SYPL1: variants seen among roughly 807,000 people sequenced by gnomAD.
SYPL1 encodes synaptophysin-like protein 1.
SYPL1 carries 6 observed loss-of-function variants against 23.7 expected under a neutral mutation model. That is an observed-to-expected ratio of 0.25 (90% CI 0.14 to 0.50). The LOEUF is 0.50. SYPL1 is among the 20% of genes least tolerant of loss of function. The probability of loss-of-function intolerance (pLI) is 0.98; values close to 1 mark genes in which losing one functional copy is unlikely to be tolerated. For missense variants in SYPL1, 253 were observed against 288.9 expected, an observed-to-expected ratio of 0.88 and a Z score of 0.90; for synonymous variants, 102 against 104.5, an observed-to-expected ratio of 0.98 and a Z score of 0.15.
In SYPL1 at chr7:106,096,898, C is replaced by T. The variant is rs1453707603; in HGVS notation, c.402+792G>A. ...GCAATGTGTAAATGATTGTGTATGG[C>T]TGAGTTCCAAAAAAAACCTTTATTT... On this transcript the variant is annotated intron_variant, in intron 3 of 4. Coordinates refer to ENST00000455385, the MANE Select transcript of SYPL1 (RefSeq NM_182715.4). The surrounding 1 kb of genome is among the most constrained non-coding windows in gnomAD (Gnocchi z 4.4). 1.3e-5 allele frequency among the ~76,000 whole-genome samples: 2 copies of T among 152,100 alleles called. No individual in the cohort carries two copies. The highest frequency in any genetic ancestry group is 6.6e-5 in the Admixed American group (1 of 15,256).
At position 106,099,205 on chromosome 7, in the gene SYPL1, T is replaced by C. The variant is rs560055024; in HGVS notation, c.147A>G (p.Ala49=). 1.2e-6 allele frequency: 2 copies of C among 1,613,974 alleles called. No homozygotes were observed. The highest frequency in any genetic ancestry group is 2.2e-5 in the South Asian group (2 of 91,056). Reference sequence around the variant, plus strand: ...CTGTAACAGTTTTATTCTCAGTAACTGCAGGAGGACAATTCACTTGAATTT... The same window carrying C: ...CTGTAACAGTTTTATTCTCAGTAACCGCAGGAGGACAATTCACTTGAATTT... ...QTEIQVNCPP[A]VTENKTVTAT... Residue 49 remains alanine (A), a synonymous_variant, in exon 2 of 5, where the codon GCA becomes GCG. Coordinates refer to ENST00000455385, the MANE Select transcript of SYPL1 (RefSeq NM_182715.4).
At chr7:106,092,812 A>G in intron 4 of SYPL1, 137 bp downstream of exon 4, 1 of 740,358 alleles carries the variant, frequency 1.4e-6, no homozygotes, top group Middle Eastern at 2.5e-4. Context: ...ACTAAACACT[A>G]TATTGTTACT....
rs1413593105 is a variant in SYPL1 at position 106,097,175 on chromosome 7, C to G, written c.402+515G>C. On this transcript the variant is annotated intron_variant, in intron 3 of 4. Coordinates refer to ENST00000455385, the MANE Select transcript of SYPL1 (RefSeq NM_182715.4). The surrounding 1 kb of genome is among the most constrained non-coding windows in gnomAD (Gnocchi z 4.6). ...CCAAGATGGTGCTACTGCCCTCCTG[C>G]CTGGGCGACAAAGCGAGACCTTGTC... Among the ~76,000 whole-genome samples, 2 of 152,080 alleles carry G rather than the reference C, an allele frequency of 1.3e-5. No homozygotes were observed. Among genetic ancestry groups the G allele is most frequent in the African/African-American group, 4.8e-5 (2 of 41,388 alleles).
chr7:106,102,256 C>T (rs568243472), intron 1 of SYPL1, among the ~76,000 whole-genome samples: 3 of 152,064 alleles, frequency 2.0e-5, no homozygotes, highest in Admixed American at 6.5e-5. Flanking sequence ...CCACCATGCC[C>T]GGCTAATTTT....
intron 1 of SYPL1, among the ~76,000 whole-genome samples, chr7:106,105,122 A>T (rs764928091): frequency 2.0e-5 from 3 of 152,110 alleles, no homozygotes; most frequent in Non-Finnish European, 2.9e-5. Flanking sequence ...CCGCTTCTCC[A>T]TTGTCTTAAC....
chr7:106,109,245 C>CT lies in SYPL1; in HGVS notation c.69+2894dup, dbSNP rs962978787. 2.6e-5 allele frequency among the ~76,000 whole-genome samples: 4 copies of CT among 151,924 alleles called. No homozygotes were observed. Among genetic ancestry groups the CT allele is most frequent in the African/African-American group, 9.7e-5 (4 of 41,372 alleles). On this transcript the variant is annotated intron_variant, in intron 1 of 4. Coordinates refer to ENST00000455385, the MANE Select transcript of SYPL1 (RefSeq NM_182715.4). The surrounding 1 kb of genome is among the most constrained non-coding windows in gnomAD (Gnocchi z 4.3). ...ACTGAGTTGTAAGCTGAACTAGTGGCTTTTTTTTGTAACCACCAAATTTCT... is the reference window on the plus strand; with the variant it reads ...ACTGAGTTGTAAGCTGAACTAGTGGCTTTTTTTTTGTAACCACCAAATTTCT...
chr7:106,093,362 G>T (rs968407122), intron 3 of SYPL1: 9 of 423,994 alleles, frequency 2.1e-5, no homozygotes, highest in African/African-American at 1.8e-4. Flanking sequence ...CATCCCCTCA[G>T]AAGTCTAAGA....
Position 106,093,062 on chromosome 7 carries a change from T to TTTTA in SYPL1, c.477_478insTAAA (p.Ile160Ter). ...ATATTGTGACCAGTAGCTATTTTAA[T>TTTTA]ATCTGTCAGAGCTTTAGCCCAGGCT... On this transcript the variant is annotated stop_gained and frameshift_variant, in exon 4 of 5. Transcript: ENST00000455385. LOFTEE classifies it high-confidence loss of function. 9 of 1,613,912 alleles carry TTTTA rather than the reference T, an allele frequency of 5.6e-6. No homozygotes were observed. Among genetic ancestry groups the TTTTA allele is most frequent in the Non-Finnish European group, 7.6e-6 (9 of 1,179,884 alleles).
At position 106,105,270 on chromosome 7, in the gene SYPL1, G is replaced by A. The variant is rs550492395; in HGVS notation, c.70-5988C>T. Among the ~76,000 whole-genome samples, 25 of 152,064 alleles carry A rather than the reference G, an allele frequency of 1.6e-4. 1 individual carries two copies. Among genetic ancestry groups the A allele is most frequent in the African/African-American group, 5.5e-4 (23 of 41,484 alleles). On this transcript the variant is annotated intron_variant, in intron 1 of 4. Transcript: ENST00000455385. ...TCAGTTTCCAACCCTAGTCTAAAATGAAGGAGTACTGGTGTTCTGATTTAT... is the reference window on the plus strand; with the variant it reads ...TCAGTTTCCAACCCTAGTCTAAAATAAAGGAGTACTGGTGTTCTGATTTAT...
At position 106,099,254 on chromosome 7, in the gene SYPL1, C is replaced by T. The variant is rs141399410; in HGVS notation, c.98G>A (p.Cys33Tyr). The T allele has an allele frequency of 5.9e-4, 953 of 1,612,830 alleles. 1 individual carries two copies. The highest frequency in any genetic ancestry group is 8.3e-4 in the Middle Eastern group (5 of 6,056). Residue 33 changes from cysteine to tyrosine, a missense_variant, in exon 2 of 5, where the codon TGT becomes TAT. Coordinates refer to ENST00000455385, the MANE Select transcript of SYPL1 (RefSeq NM_182715.4). ...WIASIFAFAT[C>Y]GGFKGQTEIQ... ...TTCTGTTTGGCCCTTAAAACCTCCA[C>T]AGGTGGCAAAAGCAAAGATAGAAGC...
rs534604580 is a variant in SYPL1, at chr7:106,110,183, A to T, written c.69+1957T>A. ...CAGCCGACCTCTGAAATCTTTTCAG[A>T]ACAATCTCAAACCGTACCCTCCAAC... On this transcript the variant is annotated intron_variant, in intron 1 of 4. Coordinates refer to ENST00000455385, the MANE Select transcript of SYPL1 (RefSeq NM_182715.4). Among the ~76,000 whole-genome samples, 17 of 152,308 alleles carry T rather than the reference A, an allele frequency of 1.1e-4. No homozygotes were observed. In the South Asian group the frequency reaches 3.3e-3, roughly 30 times the overall value.
rs534282160 is a variant in SYPL1, at chr7:106,091,115, A to G, written c.*690T>C. 21 of 152,350 alleles carry G rather than the reference A, an allele frequency of 1.4e-4. No individual in the cohort carries two copies. The highest frequency in any genetic ancestry group is 4.8e-4 in the African/African-American group (20 of 41,588). 9.4% of individuals were successfully genotyped at this position (152,350 alleles called of 1,614,324 possible). A position where few individuals can be genotyped will look rare whatever the true frequency, so the allele number is the denominator to read the frequency against. On this transcript the variant is annotated 3_prime_UTR_variant, in exon 5 of 5. Coordinates refer to ENST00000455385, the MANE Select transcript of SYPL1 (RefSeq NM_182715.4). The surrounding 1 kb of genome is among the most constrained non-coding windows in gnomAD (Gnocchi z 5.0). Reference sequence around the variant, plus strand: ...TTGAGCCACGTTCTACTTACATAGCAAGCCTATTAAACCACTAGCATAACA... The same window carrying G: ...TTGAGCCACGTTCTACTTACATAGCGAGCCTATTAAACCACTAGCATAACA...
rs888431992 is a variant in SYPL1, at chr7:106,097,005, A to G, written c.402+685T>C. 7.5e-6 allele frequency among the ~76,000 whole-genome samples: 1 copy of G among 132,510 alleles called. No individual in the cohort carries two copies. The highest frequency in any genetic ancestry group is 4.4e-5 in the African/African-American group (1 of 22,944). 86.9% of individuals were successfully genotyped at this position (132,510 alleles called of 152,430 possible). ...CAAGGCAGGCAGATCACTTGAGCCCAGGAGTTTGAGACCAGCCTGGGCAAC... is the reference window on the plus strand; with the variant it reads ...CAAGGCAGGCAGATCACTTGAGCCCGGGAGTTTGAGACCAGCCTGGGCAAC... On this transcript the variant is annotated intron_variant, in intron 3 of 4. Coordinates refer to ENST00000455385, the MANE Select transcript of SYPL1 (RefSeq NM_182715.4). This position sits in a 1 kb window ranked among gnomAD's most constrained non-coding sequence, Gnocchi z 4.6.
chr7:106,108,152 C>T (rs899326444), intron 1 of SYPL1, among the ~76,000 whole-genome samples: 1 of 152,170 alleles, frequency 6.6e-6, no homozygotes, highest in Non-Finnish European at 1.5e-5. Context: ...CGAGACCACA[C>T]TACTGCACTC....
rs1186444172 is a variant in SYPL1 at position 106,091,376 on chromosome 7, C to T, written c.*429G>A. ...CCTACATATTTATGTAATCAAGGCT[C>T]TTTAAGCAAAGACAGGTGGTAGGTA... On this transcript the variant is annotated 3_prime_UTR_variant, in exon 5 of 5. Transcript: ENST00000455385. The surrounding 1 kb of genome is among the most constrained non-coding windows in gnomAD (Gnocchi z 5.0). 1 of 153,266 alleles carries T rather than the reference C, an allele frequency of 6.5e-6. No homozygotes were observed. The allele number at this position is 153,266 out of a possible 1,614,324, so 9.5% of individuals were successfully genotyped here.
rs1264039700 is a variant in SYPL1, at chr7:106,109,470, T to C, written c.69+2670A>G. On this transcript the variant is annotated intron_variant, in intron 1 of 4. Coordinates refer to ENST00000455385, the MANE Select transcript of SYPL1 (RefSeq NM_182715.4). The surrounding 1 kb of genome is among the most constrained non-coding windows in gnomAD (Gnocchi z 4.3). ...GGGTACTCTTTTCTTGAAATTCTAA[T>C]AGTGATGCCAAGGCATTATTTCCCT... Among the ~76,000 whole-genome samples the C allele has an allele frequency of 6.6e-6, 1 of 152,244 alleles. No homozygotes were observed. The highest frequency in any genetic ancestry group is 1.5e-5 in the Non-Finnish European group (1 of 68,046).
chr7:106,092,875 C>A, intron 4 of SYPL1, 74 bp downstream of exon 4: 1 of 1,234,048 alleles, frequency 8.1e-7, no homozygotes, highest in South Asian at 1.7e-5. Flanking sequence ...TTACTGAAAG[C>A]TATTGCTTTC....
rs1200556860 is a variant in SYPL1, at chr7:106,095,690, A to G, written c.402+2000T>C. Among the ~76,000 whole-genome samples, 1 of 152,190 alleles carries G rather than the reference A, an allele frequency of 6.6e-6. No individual in the cohort carries two copies. The highest frequency in any genetic ancestry group is 1.9e-4 in the East Asian group (1 of 5,206). ...CTTTTAATATTTTTATGGTTACATTAAAAATAGAACTGAAAATTAAATTTA... is the reference window on the plus strand; with the variant it reads ...CTTTTAATATTTTTATGGTTACATTGAAAATAGAACTGAAAATTAAATTTA... On this transcript the variant is annotated intron_variant, in intron 3 of 4. Coordinates refer to ENST00000455385, the MANE Select transcript of SYPL1 (RefSeq NM_182715.4). The surrounding 1 kb of genome is among the most constrained non-coding windows in gnomAD (Gnocchi z 4.3).
Position 106,091,981 on chromosome 7 carries a change from T to G in SYPL1, c.592-42A>C. 6.4e-7 allele frequency: 1 copy of G among 1,562,378 alleles called. No individual in the cohort carries two copies. The highest frequency in any genetic ancestry group is 8.6e-7 in the Non-Finnish European group (1 of 1,156,774). On this transcript the variant is annotated intron_variant, in intron 4 of 4. Coordinates refer to ENST00000455385, the MANE Select transcript of SYPL1 (RefSeq NM_182715.4). This position sits in a 1 kb window ranked among gnomAD's most constrained non-coding sequence, Gnocchi z 5.0. ...GAAATATGAAAATCAAATACCTACTTATAAAAATTCATGCCCTACTTAAAA... is the reference window on the plus strand; with the variant it reads ...GAAATATGAAAATCAAATACCTACTGATAAAAATTCATGCCCTACTTAAAA...
Sources: allele counts gnomAD v4.1 joint callset (sites outside exome capture counted in the v4.1 genomes callset), GRCh38; gene constraint gnomAD v4.1.1; non-coding constraint Gnocchi (gnomAD v3.1); transcripts MANE v1.5; gene names NCBI Gene and HGNC (gene_info 2026-07-23, HGNC 2026-07-21).